SLC44A5: variants seen among roughly 807,000 people sequenced by gnomAD.
The protein encoded by SLC44A5 is choline transporter-like protein 5.
In SLC44A5, 57 loss-of-function variants were observed where a neutral mutation model predicts 101.8. The ratio of observed to expected loss-of-function variants is 0.56; its 90% CI spans 0.45 to 0.70. The LOEUF (loss-of-function observed/expected upper bound fraction) is 0.70, where lower values mean the gene tolerates loss of function less well. Among genes scored for constraint, SLC44A5 ranks in the 30% least tolerant of loss-of-function variants. SLC44A5 has a pLI of 0.00. For synonymous variants in SLC44A5, 281 were observed against 290.9 expected (o/e 0.97, Z 0.35); for missense variants, 737 against 853.1 (o/e 0.86, Z 1.70).
chr1:75,358,072 G>T (rs1351346977), intron 3 of SLC44A5, among the ~76,000 whole-genome samples: 1 of 151,862 alleles, frequency 6.6e-6, no homozygotes, highest in African/African-American at 2.4e-5. Context: ...GCTTAGGAAA[G>T]ATTTTTACTA....
At chr1:75,258,570 A>G (rs1650216695) in intron 6 of SLC44A5, among the ~76,000 whole-genome samples, 1 of 152,094 alleles carries the variant, frequency 6.6e-6, no homozygotes, top group South Asian at 2.1e-4. Flanking sequence ...GGGACAGAGC[A>G]CCTGGAGGAA....
intron 1 of SLC44A5, among the ~76,000 whole-genome samples, chr1:75,542,593 T>G (rs983136452): frequency 6.6e-6 from 1 of 152,084 alleles, no homozygotes; most frequent in Non-Finnish European, 1.5e-5. Flanking sequence ...TTTGTAGTTA[T>G]TATTGAAGGT....
intron 2 of SLC44A5, among the ~76,000 whole-genome samples, chr1:75,409,945 A>G (rs1268066550): frequency 6.6e-6 from 1 of 152,082 alleles, no homozygotes; most frequent in Non-Finnish European, 1.5e-5. Flanking sequence ...TATACTTGCA[A>G]TACACACAAG....
At chr1:75,644,389 T>A in the SLC44A5 span, among the ~76,000 whole-genome samples, 1 of 151,968 alleles carries the variant, frequency 6.6e-6, no homozygotes, top group African/African-American at 2.4e-5. Flanking sequence ...GAGAAACAAT[T>A]GGCCTATAAG....
the SLC44A5 span, among the ~76,000 whole-genome samples, chr1:75,679,402 A>T: frequency 6.6e-6 from 1 of 152,182 alleles, no homozygotes; most frequent in African/African-American, 2.4e-5. Context: ...CATCAGACTA[A>T]CAGCGGATCT....
At chr1:75,537,034 A>AAAAAAAAAAAAAAAAAAAAAAAAAAAG (rs1553199990) in intron 2 of SLC44A5, among the ~76,000 whole-genome samples, 1 of 18,648 alleles carries the variant, frequency 5.4e-5, no homozygotes, top group Non-Finnish European at 1.6e-4. Context: ...AAAAAAAAAA[A>AAAAAAAAAAAAAAAAAAAAAAAAAAAG]TATATATCTA....
chr1:75,345,994 T>C (rs1037972830), intron 3 of SLC44A5, among the ~76,000 whole-genome samples: 2 of 152,032 alleles, frequency 1.3e-5, no homozygotes, highest in African/African-American at 2.4e-5. Flanking sequence ...GAGGAATACA[T>C]TTGTTGGGGG....
chr1:75,357,095 G>A (rs1570762226), intron 3 of SLC44A5: 4 of 429,328 alleles, frequency 9.3e-6, no homozygotes, highest in Non-Finnish European at 1.9e-5. Flanking sequence ...CCTAAGAACT[G>A]AAATCAATTT....
rs554403862 is a variant in SLC44A5, at chr1:75,388,640, G to A, written c.52+7943C>T. On this transcript the variant is annotated intron_variant, in intron 3 of 23. Coordinates refer to ENST00000370859, the MANE Select transcript of SLC44A5 (RefSeq NM_001130058.2). ...CTAATAATACAAAAATTAGCCAGGC[G>A]TGGTGGCGGGCGCCTGTGGTCCCAG... Among the ~76,000 whole-genome samples the A allele has an allele frequency of 2.0e-4, 30 of 152,138 alleles. No homozygotes were observed. The South Asian group carries it at 2.1e-3, about 11-fold the overall frequency.
intron 1 of SLC44A5, among the ~76,000 whole-genome samples, chr1:75,549,458 A>G (rs1003091630): frequency 3.3e-5 from 5 of 152,066 alleles, no homozygotes; most frequent in Admixed American, 2.0e-4. Flanking sequence ...CTCTATCACG[A>G]TGTATTGGAT....
intron 1 of SLC44A5, among the ~76,000 whole-genome samples, chr1:75,604,171 T>C (rs1179101025): frequency 1.3e-5 from 2 of 152,126 alleles, no homozygotes; most frequent in Admixed American, 6.6e-5. Context: ...CTCTGATCCA[T>C]CTTGAGTTAA....
the SLC44A5 span, among the ~76,000 whole-genome samples, chr1:75,721,454 T>C: frequency 6.6e-6 from 1 of 152,216 alleles, no homozygotes; most frequent in Non-Finnish European, 1.5e-5. Flanking sequence ...TGTTAGTGTA[T>C]TTTATGTATA....
chr1:75,451,498 A>C (rs1297870234), intron 2 of SLC44A5, among the ~76,000 whole-genome samples: 1 of 152,136 alleles, frequency 6.6e-6, no homozygotes, highest in Non-Finnish European at 1.5e-5. Context: ...TGAACAAAAA[A>C]ATAATAATAT....
chr1:75,611,988 G>C (rs1017851781), upstream of SLC44A5, among the ~76,000 whole-genome samples: 3 of 151,998 alleles, frequency 2.0e-5, no homozygotes, highest in Non-Finnish European at 2.9e-5. Context: ...GCATTGAAAG[G>C]CTTGCCAGGG....
chr1:75,638,271 C>CA, the SLC44A5 span, among the ~76,000 whole-genome samples: 1 of 152,090 alleles, frequency 6.6e-6, no homozygotes, highest in East Asian at 1.9e-4. Context: ...ATCACTGCTC[C>CA]AAAATCACAC....
chr1:75,369,289 A>G (rs1660071550), intron 3 of SLC44A5, among the ~76,000 whole-genome samples: 1 of 152,052 alleles, frequency 6.6e-6, no homozygotes, highest in South Asian at 2.1e-4. Flanking sequence ...AAGTGCTGGG[A>G]TTACAGGTGT....
At chr1:75,234,928 A>G (rs1435135476) in intron 11 of SLC44A5, among the ~76,000 whole-genome samples, 1 of 152,100 alleles carries the variant, frequency 6.6e-6, no homozygotes, top group African/African-American at 2.4e-5. Flanking sequence ...AAGTTGGCTG[A>G]CTGTTCTATT....
chr1:75,395,046 C>T (rs546713721), intron 3 of SLC44A5, among the ~76,000 whole-genome samples: 1 of 152,024 alleles, frequency 6.6e-6, no homozygotes, highest in Non-Finnish European at 1.5e-5. Flanking sequence ...TCTTTTACTT[C>T]TGTCCATTCA....
At chr1:75,204,370 ATT>A (rs369829376) in intron 23 of SLC44A5, 1 of 152,284 alleles carries the variant, frequency 6.6e-6, no homozygotes, top group African/African-American at 2.4e-5. Context: ...TATTCTACAT[ATT>A]TCAATTACAC....
Sources: gnomAD v4.1 joint callset for allele counts (sites outside exome capture counted in the v4.1 genomes callset) on GRCh38, gnomAD v4.1.1 for gene constraint, MANE v1.5 for transcripts, NCBI Gene and HGNC (gene_info 2026-07-23, HGNC 2026-07-21) for gene names.